The following RBFOX1 variants were observed in gnomAD, a reference collection of about 807,000 sequenced individuals.
RBFOX1 encodes the protein RNA binding fox-1 homolog 1, also known as RNA binding protein fox-1 homolog 1.
In RBFOX1, 8 loss-of-function variants were observed where a neutral mutation model predicts 57.7. That is an observed-to-expected ratio of 0.14 (90% CI 0.08 to 0.25). The LOEUF (loss-of-function observed/expected upper bound fraction) is 0.25. Ranked by LOEUF, RBFOX1 falls within the 10% of genes least tolerant of loss-of-function variation. The probability of loss-of-function intolerance (pLI) is 1.00; values close to 1 mark genes in which losing one functional copy is unlikely to be tolerated. For missense variants in RBFOX1, 611 were observed against 548.5 expected (o/e 1.11, Z -1.14); for synonymous variants, 326 against 222.4 (o/e 1.47, Z -4.15).
intron 4 of RBFOX1, among the ~76,000 whole-genome samples, chr16:7,299,085 G>A (rs577660270): frequency 1.2e-4 from 19 of 152,288 alleles, no homozygotes; most frequent in South Asian, 2.1e-4. Context: ...AAAGATGTGC[G>A]TATTTTAGAT....
chr16:5,866,796 C>T (rs1329438982), intron 3 of RBFOX1, among the ~76,000 whole-genome samples: 1 of 152,136 alleles, frequency 6.6e-6, no homozygotes, highest in Non-Finnish European at 1.5e-5. Context: ...AATATATAAA[C>T]AACTTGGCAC....
chr16:5,461,497 A>C (rs1275670584), intron 1 of RBFOX1, among the ~76,000 whole-genome samples: 3 of 152,148 alleles, frequency 2.0e-5, no homozygotes, highest in Non-Finnish European at 4.4e-5. Context: ...AGCTGCAACC[A>C]ACCAGGCTCT....
chr16:5,500,787 A>T (rs1480836732), intron 2 of RBFOX1, among the ~76,000 whole-genome samples: 1 of 152,222 alleles, frequency 6.6e-6, no homozygotes, highest in Non-Finnish European at 1.5e-5. Flanking sequence ...TTCACCACAC[A>T]GTTGACTCAG....
At chr16:7,071,512 A>C (rs138744462) in intron 4 of RBFOX1, among the ~76,000 whole-genome samples, 2 of 151,792 alleles carry the variant, frequency 1.3e-5, no homozygotes, top group South Asian at 4.2e-4. Context: ...TTTTGAATAG[A>C]TTTGAAAGCA....
chr16:6,267,873 CT>C (rs1228845194), intron 1 of RBFOX1, among the ~76,000 whole-genome samples: 1 of 152,152 alleles, frequency 6.6e-6, no homozygotes, highest in Non-Finnish European at 1.5e-5. Context: ...AGCATGAAAG[CT>C]TTAAATGGGC....
Position 6,605,961 on chromosome 16 carries a change from A to G in RBFOX1, c.-63-48642A>G, listed in dbSNP as rs556573576. The stretch of plus-strand genomic sequence containing the variant: ...CTAAAATTACAGAAATTAGCGGAGC[A>G]TGGTTGGGGGTGGGGGCAGTGCCTG... On this transcript the variant is annotated intron_variant, in intron 2 of 15. Coordinates refer to ENST00000550418, the MANE Select transcript of RBFOX1 (RefSeq NM_018723.4). 4.0e-5 allele frequency among the ~76,000 whole-genome samples: 6 copies of G among 151,882 alleles called. No homozygotes were observed. The East Asian group carries it at 9.8e-4, about 25-fold the overall frequency.
At chr16:5,470,762 C>T (rs1277367777) in intron 2 of RBFOX1, among the ~76,000 whole-genome samples, 2 of 152,160 alleles carry the variant, frequency 1.3e-5, no homozygotes, top group Non-Finnish European at 2.9e-5. Flanking sequence ...CTGTCCGCCT[C>T]TGCAGCCTGG....
chr16:7,260,172 A>G (rs2094861610), intron 4 of RBFOX1, among the ~76,000 whole-genome samples: 1 of 152,216 alleles, frequency 6.6e-6, no homozygotes, highest in African/African-American at 2.4e-5. Context: ...AATCAAACCA[A>G]GACTTTCATA....
chr16:7,197,090 C>T (rs1372640919), intron 4 of RBFOX1, among the ~76,000 whole-genome samples: 3 of 152,182 alleles, frequency 2.0e-5, no homozygotes, highest in Non-Finnish European at 4.4e-5. Context: ...ACATGTATTA[C>T]TCCTGTTCCA....
intron 4 of RBFOX1, among the ~76,000 whole-genome samples, chr16:7,231,960 C>T (rs754203188): frequency 5.3e-5 from 8 of 152,076 alleles, no homozygotes; most frequent in East Asian, 1.9e-4. Context: ...GGAATGATGA[C>T]GTATTTTGGA....
At chr16:7,147,848 C>G (rs2075332149) in intron 4 of RBFOX1, among the ~76,000 whole-genome samples, 1 of 152,186 alleles carries the variant, frequency 6.6e-6, no homozygotes, top group Admixed American at 6.5e-5. Context: ...CATGGGATTG[C>G]TGGGTTGAAT....
chr16:6,793,674 A>G (rs1028415661), intron 3 of RBFOX1, among the ~76,000 whole-genome samples: 6 of 152,228 alleles, frequency 3.9e-5, no homozygotes, highest in Non-Finnish European at 7.3e-5. Context: ...CTTGCTCTGT[A>G]GGAAATGAAA....
chr16:6,073,581 C>A (rs1441982000), intron 1 of RBFOX1, among the ~76,000 whole-genome samples: 2 of 152,188 alleles, frequency 1.3e-5, no homozygotes, highest in African/African-American at 4.8e-5. Flanking sequence ...GAACGTAATA[C>A]ACTTCCGTTT....
intron 3 of RBFOX1, among the ~76,000 whole-genome samples, chr16:7,050,892 C>T (rs2049837218): frequency 6.6e-6 from 1 of 151,934 alleles, no homozygotes; most frequent in Non-Finnish European, 1.5e-5. Flanking sequence ...GGTAATATTT[C>T]TGGGTAAAAG....
intron 1 of RBFOX1, among the ~76,000 whole-genome samples, chr16:5,455,467 A>T (rs1053561644): frequency 3.3e-5 from 5 of 152,144 alleles, no homozygotes; most frequent in African/African-American, 9.7e-5. Flanking sequence ...TAGGAGGGGT[A>T]TCAAATCATT....
chr16:5,954,228 C>T (rs972189139), intron 4 of RBFOX1, among the ~76,000 whole-genome samples: 8 of 152,152 alleles, frequency 5.3e-5, no homozygotes, highest in Non-Finnish European at 8.8e-5. Context: ...GCCGTGGTCT[C>T]ATGGATGGAG....
intron 3 of RBFOX1, among the ~76,000 whole-genome samples, chr16:6,878,714 A>G (rs1006935125): frequency 6.6e-6 from 1 of 152,204 alleles, no homozygotes; most frequent in African/African-American, 2.4e-5. Context: ...AAATTCAGCA[A>G]GGGCAAGAAA....
intron 14 of RBFOX1, among the ~76,000 whole-genome samples, chr16:7,704,816 C>T (rs973266997): frequency 6.6e-6 from 1 of 151,970 alleles, no homozygotes; most frequent in Non-Finnish European, 1.5e-5. Context: ...TTTGGGAGGC[C>T]AAGGCAGGCA....
At chr16:5,735,126 G>A (rs2052525471) in intron 3 of RBFOX1, among the ~76,000 whole-genome samples, 1 of 152,194 alleles carries the variant, frequency 6.6e-6, no homozygotes, top group Non-Finnish European at 1.5e-5. Context: ...CCGTTTCTGT[G>A]CCTGAACTGT....
Sources: gnomAD v4.1 joint callset for allele counts (sites outside exome capture counted in the v4.1 genomes callset) on GRCh38, gnomAD v4.1.1 for gene constraint, MANE v1.5 for transcripts, NCBI Gene and HGNC (gene_info 2026-07-23, HGNC 2026-07-21) for gene names.